Variants in RIMS2 observed in about 807,000 individuals in gnomAD.
The protein encoded by RIMS2 is regulating synaptic membrane exocytosis 2.
RIMS2 carries 59 observed loss-of-function variants against 174.4 expected under a neutral mutation model. The observed-to-expected ratio is 0.34, with a 90% CI of 0.27 to 0.42. The LOEUF is 0.42. RIMS2 is among the 10% of genes least tolerant of loss of function. The pLI is 1.00. For synonymous variants in RIMS2, 606 were observed against 572.5 expected, an observed-to-expected ratio of 1.06 and a Z score of -0.84; for missense variants, 1,620 against 1,666.3, an observed-to-expected ratio of 0.97 and a Z score of 0.48.
At chr8:103,967,833 T>C (rs1390683791) in intron 15 of RIMS2, among the ~76,000 whole-genome samples, 1 of 151,096 alleles carries the variant, frequency 6.6e-6, no homozygotes, top group East Asian at 2.0e-4. Flanking sequence ...TTGTCTAAAA[T>C]TAGTGTACCT....
chr8:103,593,000 C>T (rs535512600), intron 1 of RIMS2, among the ~76,000 whole-genome samples: 1 of 151,300 alleles, frequency 6.6e-6, no homozygotes, highest in East Asian at 1.9e-4. Flanking sequence ...TTTCATGGGA[C>T]TCAATTTTTA....
chr8:104,211,562 G>A (rs1015272169), intron 19 of RIMS2, among the ~76,000 whole-genome samples: 1 of 140,486 alleles, frequency 7.1e-6, no homozygotes, highest in African/African-American at 2.7e-5. Flanking sequence ...ATGACCCAAT[G>A]TGGAATTTTT....
intron 1 of RIMS2, among the ~76,000 whole-genome samples, chr8:103,623,415 C>T (rs970318982): frequency 1.7e-4 from 25 of 150,212 alleles, no homozygotes; most frequent in Non-Finnish European, 1.5e-5. Flanking sequence ...AAATAATTGG[C>T]TCTCAATAAA....
intron 8 of RIMS2, among the ~76,000 whole-genome samples, chr8:103,917,937 C>G (rs983067870): frequency 6.6e-6 from 1 of 151,836 alleles, no homozygotes; most frequent in Non-Finnish European, 1.5e-5. Context: ...GCACTGCACT[C>G]CAGCCTGGTG....
intron 1 of RIMS2, among the ~76,000 whole-genome samples, chr8:103,661,959 A>G (rs1486098994): frequency 1.3e-5 from 2 of 152,210 alleles, no homozygotes; most frequent in Non-Finnish European, 2.9e-5. Flanking sequence ...AAGATTGAGA[A>G]AGATACAGAG....
At chr8:103,902,767 A>G (rs904892981) in intron 4 of RIMS2, among the ~76,000 whole-genome samples, 1 of 152,138 alleles carries the variant, frequency 6.6e-6, no homozygotes, top group Non-Finnish European at 1.5e-5. Context: ...AGTTTGTGGA[A>G]ACAATATATT....
rs538629663 is a variant in RIMS2 at position 103,852,763 on chromosome 8, T to G, written c.699-32535T>G. On this transcript the variant is annotated intron_variant, in intron 3 of 23. Transcript: ENST00000504942. ...ACTTCTTTTTTATGGCTATGTAGTA[T>G]TCCATGATGTGTATGTACCACATTT... is the stretch of plus-strand genomic sequence containing the variant. Among the ~76,000 whole-genome samples, 9 of 152,240 alleles carry G rather than the reference T, an allele frequency of 5.9e-5. No homozygotes were observed. The South Asian group carries it at 1.9e-3, about 32-fold the overall frequency.
chr8:103,910,835 A>G (rs916506386), intron 5 of RIMS2, among the ~76,000 whole-genome samples: 24 of 152,228 alleles, frequency 1.6e-4, no homozygotes, highest in Non-Finnish European at 2.6e-4. Flanking sequence ...ATGTTATTAA[A>G]AACCACAAAT....
chr8:104,005,585 TGAA>T (rs1317960030), intron 17 of RIMS2, among the ~76,000 whole-genome samples: 1 of 152,070 alleles, frequency 6.6e-6, no homozygotes, highest in East Asian at 1.9e-4. Flanking sequence ...GTATAGTAAA[TGAA>T]GAATTTTGAG....
chr8:103,664,895 G>T (rs2096649678), intron 1 of RIMS2, among the ~76,000 whole-genome samples: 1 of 152,208 alleles, frequency 6.6e-6, no homozygotes, highest in South Asian at 2.1e-4. Flanking sequence ...ATCACTGATA[G>T]ACTGGATTAA....
At chr8:103,516,521 G>A (rs1286598337) in intron 1 of RIMS2, among the ~76,000 whole-genome samples, 3 of 151,740 alleles carry the variant, frequency 2.0e-5, no homozygotes, top group Non-Finnish European at 2.9e-5. Context: ...AACATTAAAA[G>A]CCAATAAGAA....
chr8:104,186,610 C>G (rs1040740628), intron 19 of RIMS2, among the ~76,000 whole-genome samples: 1 of 151,706 alleles, frequency 6.6e-6, no homozygotes, highest in Non-Finnish European at 1.5e-5. Flanking sequence ...TCTCAGAACT[C>G]CAGAGGCTCT....
chr8:103,754,180 T>C (rs948696973), intron 2 of RIMS2, among the ~76,000 whole-genome samples: 1 of 152,200 alleles, frequency 6.6e-6, no homozygotes, highest in Admixed American at 6.5e-5. Flanking sequence ...CTTCATTTCG[T>C]TATGTACCCA....
intron 19 of RIMS2, among the ~76,000 whole-genome samples, chr8:104,227,555 A>G (rs1040319374): frequency 2.6e-5 from 4 of 152,208 alleles, no homozygotes; most frequent in Non-Finnish European, 5.9e-5. Context: ...CTTCTCACCC[A>G]TAGATCCAAG....
intron 2 of RIMS2, among the ~76,000 whole-genome samples, chr8:103,748,171 G>C (rs1412285016): frequency 3.3e-5 from 5 of 152,050 alleles, no homozygotes; most frequent in Non-Finnish European, 7.4e-5. Context: ...GCGGGGTGTG[G>C]TGGCTCACAC....
At chr8:103,971,906 A>T (rs1374606333) in intron 15 of RIMS2, among the ~76,000 whole-genome samples, 1 of 152,126 alleles carries the variant, frequency 6.6e-6, no homozygotes, top group African/African-American at 2.4e-5. Context: ...GGCTAACTTA[A>T]AAAGTTAAGG....
At chr8:103,518,463 C>T (rs187108986) in intron 1 of RIMS2, among the ~76,000 whole-genome samples, 29 of 152,102 alleles carry the variant, frequency 1.9e-4, no homozygotes, top group Middle Eastern at 6.8e-3. Flanking sequence ...CTGCGGTCTG[C>T]GGGTTGGACA....
chr8:103,601,550 T>G (rs772300226), intron 1 of RIMS2, among the ~76,000 whole-genome samples: 3 of 152,126 alleles, frequency 2.0e-5, no homozygotes, highest in Non-Finnish European at 4.4e-5. Flanking sequence ...TTTCAGTCTA[T>G]ATGCATATAT....
At chr8:103,657,270 C>G (rs1208678345) in intron 1 of RIMS2, among the ~76,000 whole-genome samples, 1 of 152,180 alleles carries the variant, frequency 6.6e-6, no homozygotes, top group Non-Finnish European at 1.5e-5. Context: ...GGCTGCTGCT[C>G]TCTTGTAAGC....
Sources: gnomAD v4.1 joint callset for allele counts (sites outside exome capture counted in the v4.1 genomes callset) on GRCh38, gnomAD v4.1.1 for gene constraint, MANE v1.5 for transcripts, NCBI Gene and HGNC (gene_info 2026-07-23, HGNC 2026-07-21) for gene names.